Variants in RBMS3 observed in about 807,000 individuals in gnomAD.
RBMS3 encodes the protein RNA-binding motif, single-stranded-interacting protein 3.
Under a neutral mutation model 66.8 loss-of-function variants are expected in RBMS3, and 27 were observed. The observed-to-expected ratio is 0.40, with a 90% confidence interval of 0.30 to 0.56. The LOEUF (loss-of-function observed/expected upper bound fraction) is 0.56, where lower values mean the gene tolerates loss of function less well. Among genes scored for constraint, RBMS3 ranks in the 20% least tolerant of loss-of-function variants. The pLI is 0.40. For missense variants in RBMS3, 513 were observed against 549.5 expected, an observed-to-expected ratio of 0.93 and a Z score of 0.66; for synonymous variants, 188 against 183.0, an observed-to-expected ratio of 1.03 and a Z score of -0.22.
At chr3:29,921,937 C>G (rs904184898) in intron 10 of RBMS3, among the ~76,000 whole-genome samples, 4 of 152,150 alleles carry the variant, frequency 2.6e-5, no homozygotes, top group Non-Finnish European at 4.4e-5. Flanking sequence ...TCAACATAGA[C>G]AGTCCCTTAA....
chr3:29,464,598 T>G (rs2042476110), intron 2 of RBMS3, among the ~76,000 whole-genome samples: 1 of 152,206 alleles, frequency 6.6e-6, no homozygotes, highest in Non-Finnish European at 1.5e-5. Context: ...TCTGTGGCAT[T>G]TGGTATACCT....
intron 1 of RBMS3, among the ~76,000 whole-genome samples, chr3:29,366,676 T>C (rs1308098924): frequency 6.6e-6 from 1 of 152,112 alleles, no homozygotes; most frequent in African/African-American, 2.4e-5. Context: ...CACCTGGCGA[T>C]ATCCAACTGT....
chr3:29,839,644 A>G (rs1045699772), intron 6 of RBMS3, among the ~76,000 whole-genome samples: 35 of 151,596 alleles, frequency 2.3e-4, no homozygotes, highest in African/African-American at 8.0e-4. Context: ...ATGTTATCTA[A>G]AAAATAATAA....
At chr3:29,983,511 C>T (rs1445727536) in intron 12 of RBMS3, among the ~76,000 whole-genome samples, 1 of 151,830 alleles carries the variant, frequency 6.6e-6, no homozygotes, top group African/African-American at 2.4e-5. Context: ...TCATAGTGTC[C>T]ATGGTCTTTA....
intron 3 of RBMS3, among the ~76,000 whole-genome samples, chr3:29,516,232 T>C (rs1423891728): frequency 6.6e-6 from 1 of 152,190 alleles, no homozygotes; most frequent in African/African-American, 2.4e-5. Flanking sequence ...TTTTTACCAA[T>C]AAAATAATAC....
chr3:29,936,254 C>T (rs2061263170), intron 11 of RBMS3, 58 bp downstream of exon 11: 1 of 1,432,538 alleles, frequency 7.0e-7, no homozygotes, highest in Non-Finnish European at 9.7e-7. Flanking sequence ...GTGATATTCT[C>T]CATTTTTACT....
chr3:29,538,476 T>C (rs2045650840), intron 3 of RBMS3, among the ~76,000 whole-genome samples: 2 of 152,220 alleles, frequency 1.3e-5, no homozygotes, highest in African/African-American at 4.8e-5. Context: ...GTTATCCTTA[T>C]TATAACTGAG....
intron 14 of RBMS3, among the ~76,000 whole-genome samples, chr3:30,003,422 C>A (rs1322796033): frequency 6.6e-6 from 1 of 151,820 alleles, no homozygotes; most frequent in African/African-American, 2.4e-5. Context: ...CTGCATTGGC[C>A]TCTTAACTGT....
At chr3:29,737,246 A>T (rs1163628229) in intron 4 of RBMS3, among the ~76,000 whole-genome samples, 1 of 152,172 alleles carries the variant, frequency 6.6e-6, no homozygotes, top group Non-Finnish European at 1.5e-5. Context: ...AAGTGCTGGG[A>T]TTACAGGCAT....
chr3:29,625,500 C>T (rs1486245614), intron 4 of RBMS3, among the ~76,000 whole-genome samples: 1 of 151,910 alleles, frequency 6.6e-6, no homozygotes, highest in African/African-American at 2.4e-5. Flanking sequence ...TCGAGACCAG[C>T]CCGACCAAAG....
At chr3:29,493,908 G>A (rs1380802397) in intron 3 of RBMS3, among the ~76,000 whole-genome samples, 1 of 152,148 alleles carries the variant, frequency 6.6e-6, no homozygotes, top group Non-Finnish European at 1.5e-5. Context: ...AAATCATTAA[G>A]AGCATCAAGA....
At chr3:29,821,062 A>G (rs893019198) in intron 6 of RBMS3, among the ~76,000 whole-genome samples, 1 of 152,212 alleles carries the variant, frequency 6.6e-6, no homozygotes, top group Non-Finnish European at 1.5e-5. Context: ...ATAGAAGTGC[A>G]AATGTGAATC....
intron 3 of RBMS3, among the ~76,000 whole-genome samples, chr3:29,554,746 A>G (rs940906880): frequency 3.9e-5 from 6 of 152,214 alleles, no homozygotes; most frequent in Non-Finnish European, 7.4e-5. Flanking sequence ...ATTTACAGAT[A>G]TAAGAAACTA....
intron 4 of RBMS3, among the ~76,000 whole-genome samples, chr3:29,625,655 G>T (rs910662783): frequency 6.6e-6 from 1 of 151,496 alleles, no homozygotes; most frequent in Non-Finnish European, 1.5e-5. Flanking sequence ...CTGAGATTGC[G>T]CCATTGCACT....
chr3:29,345,910 T>A (rs142548145), intron 1 of RBMS3, among the ~76,000 whole-genome samples: 1,588 of 152,306 alleles, frequency 0.01, 32 homozygotes, highest in African/African-American at 0.036. Flanking sequence ...GCCAATTTTT[T>A]TATATAGAGA....
chr3:29,893,858 A>G (rs1301966345), intron 8 of RBMS3, among the ~76,000 whole-genome samples: 1 of 151,404 alleles, frequency 6.6e-6, no homozygotes. Flanking sequence ...CCACCCTGGT[A>G]TTGATCTTCC....
chr3:29,796,147 C>T lies in RBMS3; in HGVS notation c.637+33158C>T, dbSNP rs151185204. ...AAGCTATGTGTACACCATACTGTAGCGTATTAAGTGAGCAATAGCATTGTG... is the reference window on the plus strand; with the variant it reads ...AAGCTATGTGTACACCATACTGTAGTGTATTAAGTGAGCAATAGCATTGTG... On this transcript the variant is annotated intron_variant, in intron 6 of 14. Transcript: ENST00000383767. Among the ~76,000 whole-genome samples, 4 of 152,264 alleles carry T rather than the reference C, an allele frequency of 2.6e-5. No individual in the cohort carries two copies. In the East Asian group the frequency reaches 5.8e-4, roughly 22 times the overall value.
intron 4 of RBMS3, among the ~76,000 whole-genome samples, chr3:29,589,494 C>T (rs1184783276): frequency 1.3e-5 from 2 of 152,076 alleles, no homozygotes; most frequent in African/African-American, 2.4e-5. Flanking sequence ...TTCTTATTCT[C>T]TTAGCTTTAG....
At chr3:29,499,454 T>C (rs920239472) in intron 3 of RBMS3, among the ~76,000 whole-genome samples, 2 of 152,236 alleles carry the variant, frequency 1.3e-5, no homozygotes, top group Admixed American at 6.5e-5. Context: ...CCACTTGATA[T>C]GCTTCTTCAA....
Sources: gnomAD v4.1 joint callset for allele counts (sites outside exome capture counted in the v4.1 genomes callset) on GRCh38, gnomAD v4.1.1 for gene constraint, MANE v1.5 for transcripts, NCBI Gene and HGNC (gene_info 2026-07-23, HGNC 2026-07-21) for gene names.